The following PRORP variants were observed in gnomAD, a reference collection of about 807,000 sequenced individuals.
PRORP encodes protein only RNase P catalytic subunit.
PRORP carries 51 observed loss-of-function variants against 59.4 expected under a neutral mutation model. That is an observed-to-expected ratio of 0.86 (90% confidence interval 0.69 to 1.08). The LOEUF (loss-of-function observed/expected upper bound fraction) is 1.08. Ranked by LOEUF, PRORP falls within the 50% of genes least tolerant of loss-of-function variation. The pLI, the probability that PRORP is intolerant of heterozygous loss-of-function variation, is 0.00. For synonymous variants in PRORP, 231 were observed against 245.6 expected (o/e 0.94, Z 0.55); for missense variants, 646 against 690.3 (o/e 0.94, Z 0.72).
intron 5 of PRORP, among the ~76,000 whole-genome samples, chr14:35,252,189 C>A (rs1244585664): frequency 6.6e-6 from 1 of 152,098 alleles, no homozygotes; most frequent in East Asian, 1.9e-4. Context: ...CTTTGGGAGG[C>A]TGAGGAGGGA....
At position 35,141,042 on chromosome 14, in the gene PRORP, T is replaced by C. The variant is rs1305837769; in HGVS notation, c.1167+13431T>C. Among the ~76,000 whole-genome samples the C allele has an allele frequency of 2.1e-5, 3 of 145,650 alleles. 1 individual carries two copies. Among genetic ancestry groups the C allele is most frequent in the Middle Eastern group, 3.2e-3 (1 of 308 alleles). On this transcript the variant is annotated intron_variant, in intron 4 of 7. Transcript: ENST00000534898. ...TCTGTGTAAGTCAGATTAGTGATAG[T>C]AGGTAGAGAAAAGAGTGGTATATGT...
chr14:35,161,896 CT>C (rs2048069126), intron 4 of PRORP, among the ~76,000 whole-genome samples: 1 of 152,030 alleles, frequency 6.6e-6, no homozygotes, highest in African/African-American at 2.4e-5. Context: ...GAAATGATAC[CT>C]AACTGCTAGG....
chr14:35,264,471 T>C (rs1368688734), intron 5 of PRORP, among the ~76,000 whole-genome samples: 1 of 151,826 alleles, frequency 6.6e-6, no homozygotes, highest in Non-Finnish European at 1.5e-5. Flanking sequence ...TTGTCCAGGC[T>C]GGTCTAAAAC....
chr14:35,174,859 G>A (rs182303086), intron 4 of PRORP, among the ~76,000 whole-genome samples: 6 of 148,596 alleles, frequency 4.0e-5, no homozygotes, highest in Admixed American at 6.8e-5. Context: ...CGTCATTTAC[G>A]TTACGTATAT....
chr14:35,125,732 C>A (rs2047079448), intron 2 of PRORP, among the ~76,000 whole-genome samples: 1 of 152,136 alleles, frequency 6.6e-6, no homozygotes, highest in African/African-American at 2.4e-5. Context: ...ATCAAGAATG[C>A]TGGATTTGGC....
chr14:35,235,666 T>A, intron 5 of PRORP: 1 of 406,674 alleles, frequency 2.5e-6, no homozygotes, highest in South Asian at 2.2e-5. Flanking sequence ...AAGCTAATAT[T>A]TTTTAGTACC....
intron 5 of PRORP, among the ~76,000 whole-genome samples, chr14:35,200,353 A>G (rs2139125470): frequency 6.6e-6 from 1 of 152,106 alleles, no homozygotes; most frequent in East Asian, 1.9e-4. Context: ...CACCACGCCC[A>G]GCTAATTTTT....
intron 5 of PRORP, among the ~76,000 whole-genome samples, 153 bp downstream of exon 5, chr14:35,180,930 G>C (rs2048589764): frequency 6.6e-6 from 1 of 152,076 alleles, no homozygotes; most frequent in Admixed American, 6.6e-5. Context: ...GCTCCCCTAA[G>C]ATTTACTATT....
chr14:35,178,442 T>C lies in PRORP; in HGVS notation c.1168-2228T>C, dbSNP rs533280717. On this transcript the variant is annotated intron_variant, in intron 4 of 7. Coordinates refer to ENST00000534898, the MANE Select transcript of PRORP (RefSeq NM_014672.4). ...TGGGTGCTCCTGTATTGGGTGCATA[T>C]ATATTTAGGATAGTTAGCTCTTCTT... 1.7e-3 allele frequency among the ~76,000 whole-genome samples: 266 copies of C among 152,328 alleles called. 1 individual carries two copies. Among genetic ancestry groups the C allele is most frequent in the African/African-American group, 6.1e-3 (255 of 41,568 alleles).
At chr14:35,153,815 G>C (rs1342707254) in intron 4 of PRORP, among the ~76,000 whole-genome samples, 3 of 152,126 alleles carry the variant, frequency 2.0e-5, no homozygotes, top group Non-Finnish European at 4.4e-5. Flanking sequence ...AAAGTAGAAG[G>C]GAGTATTATT....
chr14:35,140,420 A>G (rs1311865531), intron 4 of PRORP, among the ~76,000 whole-genome samples: 1 of 145,448 alleles, frequency 6.9e-6, no homozygotes, highest in Non-Finnish European at 1.5e-5. Context: ...TGTGATTTTA[A>G]TTTAGATTTT....
At chr14:35,268,754 C>G (rs1447735851) in intron 6 of PRORP, among the ~76,000 whole-genome samples, 1 of 152,148 alleles carries the variant, frequency 6.6e-6, no homozygotes, top group Non-Finnish European at 1.5e-5. Flanking sequence ...CGCCACCATG[C>G]CCAACTAATT....
chr14:35,253,396 GAAA>G (rs1299655832), intron 5 of PRORP, among the ~76,000 whole-genome samples: 1 of 136,430 alleles, frequency 7.3e-6, no homozygotes, highest in African/African-American at 3.2e-5. Context: ...GAAAAAGAAA[GAAA>G]GAAGGAAAGA....
intron 4 of PRORP, among the ~76,000 whole-genome samples, chr14:35,129,230 A>T (rs757634833): frequency 6.6e-6 from 1 of 151,952 alleles, no homozygotes; most frequent in Non-Finnish European, 1.5e-5. Flanking sequence ...ATGCATATTT[A>T]GGTTGTTTAT....
intron 2 of PRORP, among the ~76,000 whole-genome samples, chr14:35,124,986 G>A (rs910875665): frequency 6.7e-6 from 1 of 150,036 alleles, no homozygotes; most frequent in African/African-American, 2.5e-5. Flanking sequence ...TCACACTCCC[G>A]AGTAGCTGGG....
intron 4 of PRORP, among the ~76,000 whole-genome samples, chr14:35,156,018 G>A (rs996235996): frequency 6.6e-6 from 1 of 152,106 alleles, no homozygotes. Context: ...CTGGGTTAGG[G>A]GAGGAGTTTG....
intron 5 of PRORP, among the ~76,000 whole-genome samples, chr14:35,228,004 G>A (rs903066327): frequency 3.9e-5 from 6 of 152,124 alleles, no homozygotes; most frequent in Admixed American, 1.3e-4. Flanking sequence ...TTAGCCGGGC[G>A]TGGTGGCACA....
intron 5 of PRORP, among the ~76,000 whole-genome samples, chr14:35,185,617 T>C (rs904675170): frequency 2.6e-5 from 4 of 152,204 alleles, no homozygotes; most frequent in African/African-American, 9.6e-5. Flanking sequence ...ACTTCCAGAA[T>C]GGCATAATTC....
intron 5 of PRORP, among the ~76,000 whole-genome samples, chr14:35,248,718 G>A (rs2050542958): frequency 6.6e-6 from 1 of 152,218 alleles, no homozygotes; most frequent in Admixed American, 6.5e-5. Context: ...ATTTTCAGAG[G>A]TACACAGAAA....
Sources: gnomAD v4.1 joint callset for allele counts (sites outside exome capture counted in the v4.1 genomes callset) on GRCh38, gnomAD v4.1.1 for gene constraint, MANE v1.5 for transcripts, NCBI Gene and HGNC (gene_info 2026-07-23, HGNC 2026-07-21) for gene names.